The following FRMD4B variants were observed in gnomAD, a reference collection of about 807,000 sequenced individuals.
FRMD4B encodes FERM domain containing 4B.
In FRMD4B, 74 loss-of-function variants were observed where a neutral mutation model predicts 141.5. That is an observed-to-expected ratio of 0.52 (90% CI 0.43 to 0.63). FRMD4B has a LOEUF of 0.63. FRMD4B is among the 30% of genes least tolerant of loss of function. The pLI, the probability that FRMD4B is intolerant of heterozygous loss-of-function variation, is 0.00. For synonymous variants in FRMD4B, 506 were observed against 467.9 expected, an observed-to-expected ratio of 1.08 and a Z score of -1.05; for missense variants, 1,366 against 1,253.4, an observed-to-expected ratio of 1.09 and a Z score of -1.36.
At chr3:69,395,232 AAC>A (rs1386587269) in intron 2 of FRMD4B, among the ~76,000 whole-genome samples, 1 of 152,146 alleles carries the variant, frequency 6.6e-6, no homozygotes. Flanking sequence ...ATCTATAATG[AAC>A]AGTTATTTTT....
intron 5 of FRMD4B, among the ~76,000 whole-genome samples, chr3:69,267,759 G>A (rs1227574567): frequency 1.3e-5 from 2 of 150,462 alleles, no homozygotes; most frequent in Non-Finnish European, 3.0e-5. Context: ...TAGCCTCCCA[G>A]GTAGCTTGAA....
At chr3:69,239,911 G>A (rs2093369648) in intron 7 of FRMD4B, among the ~76,000 whole-genome samples, 1 of 152,016 alleles carries the variant, frequency 6.6e-6, no homozygotes, top group South Asian at 2.1e-4. Flanking sequence ...AAATTAGCCA[G>A]GTGTGGTGGT....
chr3:69,336,293 G>A (rs900645306), intron 1 of FRMD4B, among the ~76,000 whole-genome samples: 1 of 152,214 alleles, frequency 6.6e-6, no homozygotes, highest in African/African-American at 2.4e-5. Flanking sequence ...GTTAGGAATA[G>A]AGAGTGGCAC....
chr3:69,317,095 C>CT (rs1701827272), intron 1 of FRMD4B, among the ~76,000 whole-genome samples: 2 of 152,044 alleles, frequency 1.3e-5, no homozygotes, highest in East Asian at 3.9e-4. Context: ...AAAAAATCAT[C>CT]TTTTTTTGCC....
intron 1 of FRMD4B, among the ~76,000 whole-genome samples, chr3:69,455,713 G>A (rs1705592058): frequency 6.6e-6 from 1 of 152,184 alleles, no homozygotes; most frequent in African/African-American, 2.4e-5. Flanking sequence ...GTGTGGCTAG[G>A]TGTTTTAATT....
chr3:69,422,156 G>A (rs917021151), intron 2 of FRMD4B, among the ~76,000 whole-genome samples: 6 of 152,178 alleles, frequency 3.9e-5, no homozygotes, highest in African/African-American at 7.2e-5. Flanking sequence ...TTGGGAGGCT[G>A]AGGAGGGCAG....
intron 1 of FRMD4B, among the ~76,000 whole-genome samples, chr3:69,496,897 G>GTTT (rs35533037): frequency 6.7e-6 from 1 of 149,528 alleles, no homozygotes; most frequent in African/African-American, 2.5e-5. Flanking sequence ...TGCTATGGTA[G>GTTT]TTTTTTTTTT....
intron 1 of FRMD4B, among the ~76,000 whole-genome samples, chr3:69,454,369 C>G (rs141461685): frequency 1.3e-5 from 2 of 152,196 alleles, no homozygotes; most frequent in African/African-American, 4.8e-5. Flanking sequence ...GCTGCTGCAC[C>G]GTGGGAGCCC....
intron 1 of FRMD4B, among the ~76,000 whole-genome samples, chr3:69,528,476 C>A (rs1169491589): frequency 2.0e-5 from 3 of 151,980 alleles, no homozygotes; most frequent in Non-Finnish European, 2.9e-5. Context: ...GTGATCCTCC[C>A]ACCTCAGCCT....
At chr3:69,524,736 T>C (rs1700907863) in intron 1 of FRMD4B, among the ~76,000 whole-genome samples, 1 of 152,182 alleles carries the variant, frequency 6.6e-6, no homozygotes, top group African/African-American at 2.4e-5. Context: ...TAAATGGGAA[T>C]AACTCAGAAG....
rs1053795707 is a variant in FRMD4B, at chr3:69,171,165, G to A, written c.*696C>T. 1 of 152,122 alleles carries A rather than the reference G, an allele frequency of 6.6e-6. No individual in the cohort carries two copies. The highest frequency in any genetic ancestry group is 1.5e-5 in the Non-Finnish European group (1 of 68,036). The allele number at this position is 152,122 out of a possible 1,614,324, so 9.4% of individuals were successfully genotyped here. The stretch of plus-strand genomic sequence containing the variant: ...GCAGACTTTGTCAATTATTCAGTGG[G>A]CTGCTTCATTTTCCCCAATCTGCTA... On this transcript the variant is annotated 3_prime_UTR_variant, in exon 23 of 23. Transcript: ENST00000398540.
chr3:69,228,043 C>G (rs570524741), intron 7 of FRMD4B, among the ~76,000 whole-genome samples: 2 of 152,230 alleles, frequency 1.3e-5, no homozygotes, highest in African/African-American at 4.8e-5. Flanking sequence ...TGGTTCTCAA[C>G]GTGGGCAATT....
chr3:69,178,741 T>C (rs930934612), intron 21 of FRMD4B, among the ~76,000 whole-genome samples: 2 of 150,134 alleles, frequency 1.3e-5, no homozygotes, highest in Non-Finnish European at 3.0e-5. Context: ...TCCCACCACT[T>C]AGTAGCTTTG....
At chr3:69,189,820 T>C (rs1486875008) in intron 18 of FRMD4B, 76 bp downstream of exon 18, 8 of 879,666 alleles carry the variant, frequency 9.1e-6, no homozygotes, top group Non-Finnish European at 1.5e-5. Context: ...AAATAGGCCT[T>C]ACTTAACTAA....
At chr3:69,316,689 T>C (rs1701813124) in intron 1 of FRMD4B, among the ~76,000 whole-genome samples, 1 of 152,194 alleles carries the variant, frequency 6.6e-6, no homozygotes, top group Non-Finnish European at 1.5e-5. Flanking sequence ...TAATCCTAGG[T>C]GTAGGCCCTA....
intron 5 of FRMD4B, among the ~76,000 whole-genome samples, chr3:69,256,773 A>AG: frequency 6.6e-6 from 1 of 152,254 alleles, no homozygotes; most frequent in South Asian, 2.1e-4. Context: ...TGCCCCCTAG[A>AG]AAGCCAGGCC....
At chr3:69,404,676 G>C (rs1293496238) in intron 2 of FRMD4B, among the ~76,000 whole-genome samples, 1 of 152,150 alleles carries the variant, frequency 6.6e-6, no homozygotes, top group African/African-American at 2.4e-5. Flanking sequence ...TTGGTACTGG[G>C]TGGAGTTGGG....
intron 11 of FRMD4B, among the ~76,000 whole-genome samples, chr3:69,215,143 G>A (rs1270462165): frequency 4.6e-5 from 7 of 151,720 alleles, no homozygotes; most frequent in Non-Finnish European, 8.8e-5. Context: ...GCCTCCCAAA[G>A]TGCTGGGATT....
rs558463572 is a variant in FRMD4B, at chr3:69,363,413, G to A, written c.162+22415C>T. 1.7e-3 allele frequency among the ~76,000 whole-genome samples: 241 copies of A among 145,902 alleles called. 1 individual carries two copies. Among genetic ancestry groups the A allele is most frequent in the African/African-American group, 5.3e-3 (210 of 39,258 alleles). On this transcript the variant is annotated intron_variant, in intron 1 of 22. Coordinates refer to ENST00000398540, the MANE Select transcript of FRMD4B (RefSeq NM_015123.3). ...ATGCCTTTTTTTTTTTTTTTGAGACGGAGTCTTGCTCTGTTGCCCAGGCTG... is the reference window on the plus strand; with the variant it reads ...ATGCCTTTTTTTTTTTTTTTGAGACAGAGTCTTGCTCTGTTGCCCAGGCTG...
Sources: allele counts gnomAD v4.1 joint callset (sites outside exome capture counted in the v4.1 genomes callset), GRCh38; gene constraint gnomAD v4.1.1; transcripts MANE v1.5; gene names NCBI Gene and HGNC (gene_info 2026-07-23, HGNC 2026-07-21).